CAAP1: variants seen among roughly 807,000 people sequenced by gnomAD.
The protein encoded by CAAP1 is conserved anti-apoptotic protein.
Under a neutral mutation model 34.0 loss-of-function variants are expected in CAAP1, and 20 were observed. That is an observed-to-expected ratio of 0.59 (90% CI 0.41 to 0.86). The LOEUF (loss-of-function observed/expected upper bound fraction) is 0.86, where lower values mean the gene tolerates loss of function less well. CAAP1 is among the 40% of genes least tolerant of loss of function. CAAP1 has a pLI of 0.00. For synonymous variants in CAAP1, 213 were observed against 166.7 expected, an observed-to-expected ratio of 1.28 and a Z score of -2.14; for missense variants, 538 against 450.5, an observed-to-expected ratio of 1.19 and a Z score of -1.76.
chr9:26,890,991 G>T (rs1205439320), intron 1 of CAAP1, among the ~76,000 whole-genome samples: 1 of 152,028 alleles, frequency 6.6e-6, no homozygotes, highest in African/African-American at 2.4e-5. Flanking sequence ...TAAAAATACT[G>T]AATTCCAGCC....
chr9:26,883,502 T>G (rs1050421736), intron 4 of CAAP1, among the ~76,000 whole-genome samples: 4 of 152,180 alleles, frequency 2.6e-5, no homozygotes, highest in Non-Finnish European at 5.9e-5. Flanking sequence ...GAAAACAGAC[T>G]AATACATCAT....
rs199681958 is a variant in CAAP1, at chr9:26,887,454, G to C, written c.363C>G (p.Asp121Glu). ...TCAGGTCCAGTCCACCTTCTTCAAG[G>C]TCACTGTGCTCTGCCAAGAATAATT... is the stretch of plus-strand genomic sequence containing the variant. The part of the protein sequence containing the change: ...EKELFLAEHS[D>E]LEEGGLDLTV... Residue 121 changes from aspartate (D) to glutamate (E), a missense_variant, in exon 2 of 6, where the codon GAC becomes GAG. Physicochemically the swap from Asp to Glu is conservative, Grantham distance 45 (BLOSUM62 2). This residue lies in a region of CAAP1 where 514 missense variants were observed against 408.4 expected (regional missense o/e 1.26). Transcript: ENST00000333916. 1.2e-6 allele frequency: 2 copies of C among 1,613,278 alleles called. No individual in the cohort carries two copies. Among genetic ancestry groups the C allele is most frequent in the African/African-American group, 2.7e-5 (2 of 74,870 alleles).
intron 4 of CAAP1, among the ~76,000 whole-genome samples, chr9:26,874,431 T>C (rs1823371020): frequency 6.6e-6 from 1 of 152,118 alleles, no homozygotes; most frequent in Non-Finnish European, 1.5e-5. Context: ...TATTGTTAAC[T>C]ACAGTACCCC....
In CAAP1 at chr9:26,851,044, A is replaced by C. The variant is rs528460319; in HGVS notation, c.740-8397T>G. Among the ~76,000 whole-genome samples, 112 of 152,372 alleles carry C rather than the reference A, an allele frequency of 7.4e-4. 1 individual carries two copies. Among genetic ancestry groups the C allele is most frequent in the Admixed American group, 1.4e-3 (21 of 15,310 alleles). The stretch of plus-strand genomic sequence containing the variant: ...CTTCAGAGATTATTCCAAGAATCAA[A>C]TAAATATTCACTAAGTATCTTTTAC... On this transcript the variant is annotated intron_variant, in intron 5 of 5. Transcript: ENST00000333916.
intron 4 of CAAP1, among the ~76,000 whole-genome samples, chr9:26,869,199 AAAAT>A (rs1484706655): frequency 2.6e-5 from 4 of 152,206 alleles, no homozygotes; most frequent in East Asian, 3.9e-4. Context: ...AAAGTAAAAA[AAAAT>A]AAATAAACCA....
At chr9:26,865,090 T>C (rs1022210003) in intron 4 of CAAP1, among the ~76,000 whole-genome samples, 2 of 152,192 alleles carry the variant, frequency 1.3e-5, no homozygotes. Context: ...ATAATGTCAA[T>C]ATAACAGATT....
intron 5 of CAAP1, among the ~76,000 whole-genome samples, chr9:26,849,104 A>G (rs1822683932): frequency 1.3e-5 from 2 of 152,346 alleles, no homozygotes; most frequent in South Asian, 4.1e-4. Context: ...AACAAGAGAA[A>G]TAGTGAAAGT....
chr9:26,866,927 T>A (rs763457967), intron 4 of CAAP1, among the ~76,000 whole-genome samples: 1 of 152,020 alleles, frequency 6.6e-6, no homozygotes, highest in Non-Finnish European at 1.5e-5. Context: ...GGGCCACAGA[T>A]CGGTACCAAT....
intron 4 of CAAP1, among the ~76,000 whole-genome samples, chr9:26,870,253 A>G (rs1320292393): frequency 6.6e-6 from 1 of 152,012 alleles, no homozygotes; most frequent in African/African-American, 2.4e-5. Flanking sequence ...CTTCCTATTT[A>G]AAAGTAACTA....
At chr9:26,887,563 A>C in intron 1 of CAAP1, 50 bp from the exon 2 acceptor site, 1 of 1,085,198 alleles carries the variant, frequency 9.2e-7, no homozygotes, top group Non-Finnish European at 1.3e-6. Context: ...TTAAAATATA[A>C]AGAATACGTA....
intron 1 of CAAP1, among the ~76,000 whole-genome samples, chr9:26,889,214 C>T (rs779777791): frequency 6.6e-6 from 1 of 151,756 alleles, no homozygotes; most frequent in Non-Finnish European, 1.5e-5. Context: ...GTCAGCTGTT[C>T]GAGACCAGCC....
chr9:26,870,807 G>A lies in CAAP1; in HGVS notation c.666-9668C>T, dbSNP rs555326700. On this transcript the variant is annotated intron_variant, in intron 4 of 5. Coordinates refer to ENST00000333916, the MANE Select transcript of CAAP1 (RefSeq NM_024828.4). ...AATTTTTCTATTTTTAGAAGAGATG[G>A]GGTTTCACCATGTTAGCTGGGGTGG... is the stretch of plus-strand genomic sequence containing the variant. 1.4e-4 allele frequency among the ~76,000 whole-genome samples: 21 copies of A among 151,978 alleles called. No homozygotes were observed. In the South Asian group the frequency reaches 4.4e-3, roughly 32 times the overall value.
chr9:26,857,746 A>G (rs1822907318), intron 5 of CAAP1, among the ~76,000 whole-genome samples: 1 of 152,252 alleles, frequency 6.6e-6, no homozygotes, highest in Non-Finnish European at 1.5e-5. Context: ...TTTTCACTGT[A>G]AAGGTAGTTC....
intron 4 of CAAP1, among the ~76,000 whole-genome samples, chr9:26,882,522 T>C (rs1397447282): frequency 6.6e-6 from 1 of 152,184 alleles, no homozygotes; most frequent in East Asian, 1.9e-4. Context: ...AACACCTACA[T>C]GTCCAGGCAG....
At chr9:26,861,316 C>T (rs1258157900) in intron 4 of CAAP1, among the ~76,000 whole-genome samples, 177 bp from the exon 5 acceptor site, 1 of 152,138 alleles carries the variant, frequency 6.6e-6, no homozygotes, top group African/African-American at 2.4e-5. Context: ...GTGTCAGAAG[C>T]AGCAGCTACA....
chr9:26,850,766 G>T (rs1822730195), intron 5 of CAAP1, among the ~76,000 whole-genome samples: 2 of 152,168 alleles, frequency 1.3e-5, no homozygotes, highest in Admixed American at 1.3e-4. Context: ...GTGTTATAGA[G>T]AACTTGGCTT....
intron 4 of CAAP1, 137 bp downstream of exon 4, chr9:26,884,673 T>C (rs992168216): frequency 1.7e-4 from 120 of 702,186 alleles, no homozygotes; most frequent in Non-Finnish European, 2.5e-4. Flanking sequence ...TCATTACAAG[T>C]AGACAAATAA....
At chr9:26,855,673 A>C (rs772614536) in intron 5 of CAAP1, among the ~76,000 whole-genome samples, 1 of 152,228 alleles carries the variant, frequency 6.6e-6, no homozygotes, top group African/African-American at 2.4e-5. Flanking sequence ...AAAACTGCAA[A>C]TTAAATCATA....
chr9:26,859,203 A>T (rs1822948894), intron 5 of CAAP1, among the ~76,000 whole-genome samples: 1 of 152,092 alleles, frequency 6.6e-6, no homozygotes. Flanking sequence ...TAAGCATAAA[A>T]GGCCTGGACT....
Sources: allele counts gnomAD v4.1 joint callset (sites outside exome capture counted in the v4.1 genomes callset), GRCh38; gene constraint gnomAD v4.1.1; regional missense constraint gnomAD v4.1.1; transcripts MANE v1.5; gene names NCBI Gene and HGNC (gene_info 2026-07-23, HGNC 2026-07-21).